The following PROSER2 variants were observed in gnomAD, a reference collection of about 807,000 sequenced individuals.
PROSER2 encodes proline and serine rich 2.
Under a neutral mutation model 14.6 loss-of-function variants are expected in PROSER2, and 18 were observed. The observed-to-expected ratio is 1.23, with a 90% CI of 0.85 to 1.83. PROSER2 has a LOEUF of 1.83. PROSER2 is among the 40% of genes most tolerant of loss of function. The pLI is 0.00. For synonymous variants in PROSER2, 367 were observed against 286.4 expected (o/e 1.28, Z -2.84); for missense variants, 823 against 629.8 (o/e 1.31, Z -3.28).
At chr10:11,843,667 C>G (rs930502651) in intron 1 of PROSER2, among the ~76,000 whole-genome samples, 2 of 145,696 alleles carry the variant, frequency 1.4e-5, no homozygotes, top group African/African-American at 5.2e-5. Context: ...ATCTGGACGA[C>G]AGAGCGAGAC....
chr10:11,839,163 G>T (rs542181118), intron 1 of PROSER2, among the ~76,000 whole-genome samples: 1 of 152,302 alleles, frequency 6.6e-6, no homozygotes, highest in South Asian at 2.1e-4. Flanking sequence ...TGAGCTGTCG[G>T]ATAACCTTCT....
rs1325406913 is a variant in PROSER2, at chr10:11,823,872, C to T, written c.-82+402C>T. The stretch of plus-strand genomic sequence containing the variant: ...CTTTGCGCCGTGGGACCCCATGCGG[C>T]CTCGGGGAGAGGGTGCGGGTCCGAC... On this transcript the variant is annotated intron_variant, in intron 1 of 3. Transcript: ENST00000277570. The surrounding 1 kb of genome is among the most constrained non-coding windows in gnomAD (Gnocchi z 6.2). 6.6e-6 allele frequency among the ~76,000 whole-genome samples: 1 copy of T among 152,186 alleles called. No homozygotes were observed. Among genetic ancestry groups the T allele is most frequent in the Non-Finnish European group, 1.5e-5 (1 of 68,036 alleles).
chr10:11,837,250 T>C lies in PROSER2; in HGVS notation c.-82+13780T>C, dbSNP rs528021570. 1.3e-5 allele frequency among the ~76,000 whole-genome samples: 2 copies of C among 152,314 alleles called. No homozygotes were observed. The highest frequency in any genetic ancestry group is 4.8e-5 in the African/African-American group (2 of 41,574). Reference sequence around the variant, plus strand: ...AAATGCTGAGGTCGCTGAGACCTACTGTAAGAACAAATCATCTTCTGTCTG... The same window carrying C: ...AAATGCTGAGGTCGCTGAGACCTACCGTAAGAACAAATCATCTTCTGTCTG... On this transcript the variant is annotated intron_variant, in intron 1 of 3. Coordinates refer to ENST00000277570, the MANE Select transcript of PROSER2 (RefSeq NM_153256.4). The surrounding 1 kb of genome is among the most constrained non-coding windows in gnomAD (Gnocchi z 4.6).
intron 1 of PROSER2, among the ~76,000 whole-genome samples, chr10:11,827,268 CG>C (rs1833628437): frequency 3.3e-5 from 5 of 151,778 alleles, no homozygotes; most frequent in Admixed American, 3.3e-4. Context: ...GTGCATTTCT[CG>C]AACGACTTCG....
intron 3 of PROSER2, among the ~76,000 whole-genome samples, chr10:11,867,850 C>T (rs539988654): frequency 9.2e-5 from 14 of 152,156 alleles, no homozygotes; most frequent in Non-Finnish European, 1.5e-4. Context: ...TTTTTTTCCC[C>T]GATTGGAAAG....
chr10:11,871,636 A>G lies in PROSER2; in HGVS notation c.*1230A>G, dbSNP rs1352326651. Reference sequence around the variant, plus strand: ...AAAAGAACCGGTTTCCTCCCAGACTATGTCTTACACGCTGAGTTATGCCAC... The same window carrying G: ...AAAAGAACCGGTTTCCTCCCAGACTGTGTCTTACACGCTGAGTTATGCCAC... On this transcript the variant is annotated 3_prime_UTR_variant, in exon 4 of 4. Transcript: ENST00000277570. The G allele has an allele frequency of 2.0e-5, 3 of 152,128 alleles. No homozygotes were observed. The highest frequency in any genetic ancestry group is 4.4e-5 in the Non-Finnish European group (3 of 68,030). The allele number at this position is 152,128 out of a possible 1,614,324, so 9.4% of individuals were successfully genotyped here. A position where few individuals can be genotyped will look rare whatever the true frequency, so the allele number is the denominator to read the frequency against.
At chr10:11,846,843 C>T (rs113448293) in intron 1 of PROSER2, among the ~76,000 whole-genome samples, 142 of 152,248 alleles carry the variant, frequency 9.3e-4, no homozygotes, top group African/African-American at 3.2e-3. Context: ...GCCTCAGATT[C>T]CTGGGCTCCA....
At chr10:11,849,016 G>A (rs531083962) in intron 1 of PROSER2, among the ~76,000 whole-genome samples, 1 of 152,024 alleles carries the variant, frequency 6.6e-6, no homozygotes, top group Non-Finnish European at 1.5e-5. Flanking sequence ...GTGAAACCCC[G>A]TCTATACTAA....
intron 1 of PROSER2, among the ~76,000 whole-genome samples, chr10:11,829,169 G>T (rs942082016): frequency 6.6e-6 from 1 of 151,920 alleles, no homozygotes; most frequent in Non-Finnish European, 1.5e-5. Flanking sequence ...AGTTGAACAG[G>T]ATGTTAGGGA....
In PROSER2 at chr10:11,862,517, C is replaced by CT. The variant is rs1236608663; in HGVS notation, c.139-4011dup. ...GATCAGCCTGGGCCATGTAGCAAGA[C>CT]TTTGTCTCTACAAAAAATATATAAA... is the stretch of plus-strand genomic sequence containing the variant. On this transcript the variant is annotated intron_variant, in intron 2 of 3. Coordinates refer to ENST00000277570, the MANE Select transcript of PROSER2 (RefSeq NM_153256.4). The surrounding 1 kb of genome is among the most constrained non-coding windows in gnomAD (Gnocchi z 4.2). Among the ~76,000 whole-genome samples, 1 of 152,104 alleles carries CT rather than the reference C, an allele frequency of 6.6e-6. No homozygotes were observed.
Position 11,837,260 on chromosome 10 carries a change from A to T in PROSER2, c.-82+13790A>T, listed in dbSNP as rs750120616. On this transcript the variant is annotated intron_variant, in intron 1 of 3. Transcript: ENST00000277570. The surrounding 1 kb of genome is among the most constrained non-coding windows in gnomAD (Gnocchi z 4.6). Reference sequence around the variant, plus strand: ...GTCGCTGAGACCTACTGTAAGAACAAATCATCTTCTGTCTGTGAAGGTGTG... The same window carrying T: ...GTCGCTGAGACCTACTGTAAGAACATATCATCTTCTGTCTGTGAAGGTGTG... Among the ~76,000 whole-genome samples the T allele has an allele frequency of 1.3e-5, 2 of 152,220 alleles. No homozygotes were observed. Among genetic ancestry groups the T allele is most frequent in the Non-Finnish European group, 2.9e-5 (2 of 68,050 alleles).
rs1833764705 is a variant in PROSER2, at chr10:11,836,638, G to A, written c.-82+13168G>A. Among the ~76,000 whole-genome samples the A allele has an allele frequency of 6.6e-6, 1 of 152,276 alleles. No individual in the cohort carries two copies. The highest frequency in any genetic ancestry group is 2.1e-4 in the South Asian group (1 of 4,828). ...ACTTTGACCCTGCTGTAGTGTGTAA[G>A]TATGCTCACTGACCTCTGCCCTACT... is the stretch of plus-strand genomic sequence containing the variant. On this transcript the variant is annotated intron_variant, in intron 1 of 3. Transcript: ENST00000277570. The surrounding 1 kb of genome is among the most constrained non-coding windows in gnomAD (Gnocchi z 4.6).
At position 11,870,727 on chromosome 10, in the gene PROSER2, G is replaced by T; in HGVS notation, c.*321G>T. 2 of 263,154 alleles carry T rather than the reference G, an allele frequency of 7.6e-6. No individual in the cohort carries two copies. Among genetic ancestry groups the T allele is most frequent in the East Asian group, 7.7e-5 (1 of 13,004 alleles). The allele number at this position is 263,154 out of a possible 1,614,324, so 16.3% of individuals were successfully genotyped here. A position where few individuals can be genotyped will look rare whatever the true frequency, so the allele number is the denominator to read the frequency against. ...GATGTGTAAATGCCATCTTTTGGGG[G>T]TTGGGAGGAGTAGGACTGGTCTGAT... On this transcript the variant is annotated 3_prime_UTR_variant, in exon 4 of 4. Coordinates refer to ENST00000277570, the MANE Select transcript of PROSER2 (RefSeq NM_153256.4).
chr10:11,852,523 C>A (rs1834041055), intron 2 of PROSER2, among the ~76,000 whole-genome samples: 1 of 146,030 alleles, frequency 6.8e-6, no homozygotes, highest in Non-Finnish European at 1.5e-5. Flanking sequence ...AGAGCTCACA[C>A]GATAAACACA....
chr10:11,848,440 GT>G (rs1249862057), intron 1 of PROSER2, among the ~76,000 whole-genome samples: 3 of 152,088 alleles, frequency 2.0e-5, no homozygotes, highest in African/African-American at 7.2e-5. Context: ...AAGTGCAGGG[GT>G]TACAGGCGTG....
Position 11,862,657 on chromosome 10 carries a change from G to A in PROSER2, c.139-3874G>A, listed in dbSNP as rs1296727221. ...TGCAATGAGCTGTGATTGTACCACT[G>A]CACTGTAGACTGGGCAACAGAGTGA... On this transcript the variant is annotated intron_variant, in intron 2 of 3. Coordinates refer to ENST00000277570, the MANE Select transcript of PROSER2 (RefSeq NM_153256.4). The surrounding 1 kb of genome is among the most constrained non-coding windows in gnomAD (Gnocchi z 4.2). Among the ~76,000 whole-genome samples, 1 of 152,174 alleles carries A rather than the reference G, an allele frequency of 6.6e-6. No individual in the cohort carries two copies. The highest frequency in any genetic ancestry group is 1.5e-5 in the Non-Finnish European group (1 of 68,034).
intron 1 of PROSER2, among the ~76,000 whole-genome samples, chr10:11,842,931 CTTTTTTTTTTTTTTTTTTT>C (rs558283551): frequency 3.8e-5 from 2 of 51,956 alleles, no homozygotes; most frequent in South Asian, 1.0e-3. Flanking sequence ...TGCCATTGTT[CTTTTTTTTTTTTTTTTTTT>C]TTTTTTTTGA....
chr10:11,840,991 T>TA (rs1833838942), intron 1 of PROSER2, among the ~76,000 whole-genome samples: 1 of 112,908 alleles, frequency 8.9e-6, no homozygotes, highest in African/African-American at 3.5e-5. Context: ...TATATATATA[T>TA]GATGGTGGGG....
chr10:11,823,373 C>T lies in PROSER2; in HGVS notation c.-179C>T. On this transcript the variant is annotated 5_prime_UTR_variant, in exon 1 of 4. Transcript: ENST00000277570. The surrounding 1 kb of genome is among the most constrained non-coding windows in gnomAD (Gnocchi z 6.2). ...CGCACAGGGAGAGCGCGCGGCGGGG[C>T]GTCCCGGAACAGTCTGCGCCAGACG... 1 of 151,652 alleles carries T rather than the reference C, an allele frequency of 6.6e-6. No individual in the cohort carries two copies. Among genetic ancestry groups the T allele is most frequent in the Non-Finnish European group, 1.5e-5 (1 of 68,086 alleles). 9.4% of individuals were successfully genotyped at this position (151,652 alleles called of 1,614,324 possible).
Sources: allele counts gnomAD v4.1 joint callset (sites outside exome capture counted in the v4.1 genomes callset), GRCh38; gene constraint gnomAD v4.1.1; non-coding constraint Gnocchi (gnomAD v3.1); transcripts MANE v1.5; gene names NCBI Gene and HGNC (gene_info 2026-07-23, HGNC 2026-07-21).